GPR176: variants seen among roughly 807,000 people sequenced by gnomAD.
GPR176 encodes the protein G-protein coupled receptor 176.
Under a neutral mutation model 35.4 loss-of-function variants are expected in GPR176, and 26 were observed. That is an observed-to-expected ratio of 0.74 (90% CI 0.54 to 1.02). GPR176 has a LOEUF of 1.02. Ranked by LOEUF, GPR176 falls within the 50% of genes least tolerant of loss-of-function variation. The pLI is 0.00. For missense variants in GPR176, 597 were observed against 665.3 expected, an observed-to-expected ratio of 0.90 and a Z score of 1.13; for synonymous variants, 278 against 271.3, an observed-to-expected ratio of 1.02 and a Z score of -0.24.
At chr15:39,816,841 G>A (rs1899938658) in intron 1 of GPR176, among the ~76,000 whole-genome samples, 1 of 152,020 alleles carries the variant, frequency 6.6e-6, no homozygotes, top group Non-Finnish European at 1.5e-5. Context: ...GATTGCTTGA[G>A]GCCAGGAGTT....
intron 1 of GPR176, among the ~76,000 whole-genome samples, chr15:39,914,457 G>A (rs1041052203): frequency 3.9e-5 from 6 of 151,900 alleles, no homozygotes; most frequent in South Asian, 2.1e-4. Context: ...GAGATTATAG[G>A]CGCCTACCAC....
chr15:39,807,442 T>C (rs561618598), intron 1 of GPR176, 184 bp from the exon 2 acceptor site: 260 of 817,064 alleles, frequency 3.2e-4, no homozygotes, highest in Middle Eastern at 2.2e-3. Flanking sequence ...TGTGAAATTA[T>C]TAAATCACAT....
chr15:39,880,431 G>T (rs2032429595), intron 1 of GPR176, among the ~76,000 whole-genome samples: 1 of 152,020 alleles, frequency 6.6e-6, no homozygotes, highest in African/African-American at 2.4e-5. Flanking sequence ...CTTGTTAAAA[G>T]GTCCACTCTA....
intron 1 of GPR176, among the ~76,000 whole-genome samples, chr15:39,872,675 G>A (rs1249996659): frequency 6.6e-6 from 1 of 152,126 alleles, no homozygotes; most frequent in Non-Finnish European, 1.5e-5. Flanking sequence ...TGCTTCTAGG[G>A]ATGCAGGCAC....
intron 1 of GPR176, among the ~76,000 whole-genome samples, chr15:39,826,417 G>C (rs116814362): frequency 7.2e-5 from 11 of 152,242 alleles, no homozygotes; most frequent in African/African-American, 2.6e-4. Flanking sequence ...GACCCCAGGG[G>C]TGCTTAAAAG....
At chr15:39,907,204 T>A (rs139078654) in intron 1 of GPR176, among the ~76,000 whole-genome samples, 2 of 152,304 alleles carry the variant, frequency 1.3e-5, no homozygotes, top group African/African-American at 4.8e-5. Context: ...TAAAGAAACA[T>A]AAAAATAGTT....
At chr15:39,869,001 T>A (rs1430997321) in intron 1 of GPR176, among the ~76,000 whole-genome samples, 2 of 125,916 alleles carry the variant, frequency 1.6e-5, no homozygotes, top group South Asian at 2.7e-4. Flanking sequence ...CAAAATTCTG[T>A]CTCAAAAAAA....
chr15:39,815,269 T>A (rs1434148678), intron 1 of GPR176: 1 of 152,308 alleles, frequency 6.6e-6, no homozygotes, highest in African/African-American at 2.4e-5. Context: ...TAGGACTGAC[T>A]GGCCCCAGTT....
chr15:39,914,531 T>G (rs956554711), intron 1 of GPR176, among the ~76,000 whole-genome samples: 17 of 152,194 alleles, frequency 1.1e-4, no homozygotes, highest in African/African-American at 4.1e-4. Flanking sequence ...GCCAGGCTGG[T>G]CTCGAACACC....
intron 1 of GPR176, among the ~76,000 whole-genome samples, chr15:39,900,179 A>G (rs969261800): frequency 1.3e-5 from 2 of 151,966 alleles, no homozygotes; most frequent in African/African-American, 2.4e-5. Context: ...AATGATGAAG[A>G]TAAAGTGCTA....
chr15:39,847,762 A>G (rs934542546), intron 1 of GPR176, among the ~76,000 whole-genome samples: 7 of 150,454 alleles, frequency 4.7e-5, no homozygotes, highest in Admixed American at 6.6e-5. Context: ...AAAAAAAAAA[A>G]AAGAAGTCAT....
rs559734002 is a variant in GPR176, at chr15:39,905,005, C to T, written c.172+14850G>A. Among the ~76,000 whole-genome samples, 11 of 152,274 alleles carry T rather than the reference C, an allele frequency of 7.2e-5. No individual in the cohort carries two copies. In the East Asian group the frequency reaches 1.7e-3, roughly 24 times the overall value. On this transcript the variant is annotated intron_variant, in intron 1 of 2. Coordinates refer to ENST00000561100, the MANE Select transcript of GPR176 (RefSeq NM_007223.3). ...TCATGTAAGCCTATTCCTGCCCCTC[C>T]TACAACTCCCTCCTCCAGCCCCTAC...
chr15:39,811,852 C>G (rs911585556), intron 1 of GPR176, among the ~76,000 whole-genome samples: 2 of 151,024 alleles, frequency 1.3e-5, no homozygotes, highest in East Asian at 3.9e-4. Context: ...GGAGGCGGAG[C>G]TTGCAGTGAG....
At chr15:39,917,894 A>C (rs1173089853) in intron 1 of GPR176, among the ~76,000 whole-genome samples, 1 of 151,792 alleles carries the variant, frequency 6.6e-6, no homozygotes, top group Non-Finnish European at 1.5e-5. Context: ...AAAATACAAA[A>C]ATTAGCCAGG....
At chr15:39,872,371 G>A (rs528692529) in intron 1 of GPR176, among the ~76,000 whole-genome samples, 1 of 152,238 alleles carries the variant, frequency 6.6e-6, no homozygotes. Context: ...GTATGAGAAG[G>A]AGGAGTACAG....
chr15:39,840,210 T>C (rs1901655675), intron 1 of GPR176, among the ~76,000 whole-genome samples: 1 of 152,210 alleles, frequency 6.6e-6, no homozygotes, highest in East Asian at 1.9e-4. Context: ...CTATTCACAA[T>C]GCCAAAGACC....
Position 39,920,018 on chromosome 15 carries a change from A to G in GPR176, c.9T>C (p.His3=), listed in dbSNP as rs948040432. 3 of 1,378,576 alleles carry G rather than the reference A, an allele frequency of 2.2e-6. No individual in the cohort carries two copies. Among genetic ancestry groups the G allele is most frequent in the Non-Finnish European group, 2.8e-6 (3 of 1,061,300 alleles). 85.4% of individuals were successfully genotyped at this position (1,378,576 alleles called of 1,614,324 possible). A position where few individuals can be genotyped will look rare whatever the true frequency, so the allele number is the denominator to read the frequency against. Residue 3 remains histidine (H), a synonymous_variant, in exon 1 of 3, where the codon CAT becomes CAC. Transcript: ENST00000561100. MG[H]NGSWISPNAS... is the part of the protein sequence containing the mutation. ...CATTTGGAGAGATCCAGCTCCCGTT[A>G]TGTCCCATGGCGAGGCTGGGACTCC...
intron 1 of GPR176, among the ~76,000 whole-genome samples, chr15:39,825,040 A>T (rs1357356030): frequency 6.6e-6 from 1 of 152,094 alleles, no homozygotes; most frequent in Non-Finnish European, 1.5e-5. Context: ...CCCTGTCCCT[A>T]TAAAAAATAA....
At chr15:39,862,846 T>C (rs2031661564) in intron 1 of GPR176, among the ~76,000 whole-genome samples, 1 of 145,668 alleles carries the variant, frequency 6.9e-6, no homozygotes, top group Non-Finnish European at 1.5e-5. Flanking sequence ...TTAGAGTGTA[T>C]CTCATATATA....
Sources: allele counts gnomAD v4.1 joint callset (sites outside exome capture counted in the v4.1 genomes callset), GRCh38; gene constraint gnomAD v4.1.1; transcripts MANE v1.5; gene names NCBI Gene and HGNC (gene_info 2026-07-23, HGNC 2026-07-21).